The following MECOM variants were observed in gnomAD, a reference collection of about 807,000 sequenced individuals.
MECOM encodes histone-lysine N-methyltransferase MECOM.
A neutral mutation model predicts 116.3 loss-of-function variants in MECOM; 13 were observed. That is an observed-to-expected ratio of 0.11 (90% CI 0.07 to 0.18). The LOEUF is 0.18. Ranked by LOEUF, MECOM falls within the 10% of genes least tolerant of loss-of-function variation. MECOM has a pLI of 1.00. For missense variants in MECOM, 1,299 were observed against 1,509.0 expected (o/e 0.86, Z 2.31); for synonymous variants, 528 against 535.2 (o/e 0.99, Z 0.19).
At chr3:169,501,924 G>C (rs1346787352) in intron 1 of MECOM, among the ~76,000 whole-genome samples, 1 of 152,022 alleles carries the variant, frequency 6.6e-6, no homozygotes, top group Non-Finnish European at 1.5e-5. Flanking sequence ...CTGGTTCAAG[G>C]TCTGTATCAA....
chr3:169,330,002 T>G (rs1225553239), intron 2 of MECOM, among the ~76,000 whole-genome samples: 1 of 152,148 alleles, frequency 6.6e-6, no homozygotes, highest in African/African-American at 2.4e-5. Flanking sequence ...TCAAGAAGAC[T>G]TTCTTAAAAA....
At chr3:169,279,984 GA>G (rs1219060553) in intron 2 of MECOM, among the ~76,000 whole-genome samples, 4 of 152,120 alleles carry the variant, frequency 2.6e-5, no homozygotes, top group African/African-American at 9.7e-5. Flanking sequence ...TTCTTTCATG[GA>G]GATCTCAGAA....
intron 1 of MECOM, among the ~76,000 whole-genome samples, chr3:169,491,208 A>C (rs1753052780): frequency 6.6e-6 from 1 of 152,170 alleles, no homozygotes; most frequent in African/African-American, 2.4e-5. Context: ...TATAACATGA[A>C]AAAGGAGAAT....
intron 2 of MECOM, among the ~76,000 whole-genome samples, chr3:169,318,257 C>T (rs1261701138): frequency 2.0e-5 from 3 of 151,992 alleles, no homozygotes; most frequent in South Asian, 2.1e-4. Context: ...CCACAAAAGC[C>T]GAAATACATA....
chr3:169,579,476 C>T (rs1377601852), intron 1 of MECOM, among the ~76,000 whole-genome samples: 13 of 152,086 alleles, frequency 8.5e-5, no homozygotes, highest in African/African-American at 1.2e-4. Flanking sequence ...AAAACTTGAG[C>T]GCTATCTCTC....
At chr3:169,268,937 C>A (rs930785583) in intron 2 of MECOM, among the ~76,000 whole-genome samples, 2 of 152,130 alleles carry the variant, frequency 1.3e-5, no homozygotes, top group Non-Finnish European at 2.9e-5. Flanking sequence ...TTTCTAATTA[C>A]TAAGCGGATT....
chr3:169,213,179 G>T (rs1750998004), intron 2 of MECOM, among the ~76,000 whole-genome samples: 1 of 151,796 alleles, frequency 6.6e-6, no homozygotes, highest in African/African-American at 2.4e-5. Context: ...GGCAAAAATA[G>T]TTATCTCTCT....
At chr3:169,309,803 G>A (rs984068887) in intron 2 of MECOM, among the ~76,000 whole-genome samples, 8 of 152,266 alleles carry the variant, frequency 5.3e-5, no homozygotes, top group Admixed American at 2.0e-4. Context: ...ACAGCACTAA[G>A]GCAAACTCAT....
At chr3:169,216,840 T>C (rs1392001560) in intron 2 of MECOM, among the ~76,000 whole-genome samples, 1 of 152,088 alleles carries the variant, frequency 6.6e-6, no homozygotes, top group Non-Finnish European at 1.5e-5. Context: ...TGACAGTGTT[T>C]ATCTGTAAAA....
chr3:169,365,426 G>A lies in MECOM; in HGVS notation c.375+15761C>T, dbSNP rs372424719. Among the ~76,000 whole-genome samples, 41 of 152,104 alleles carry A rather than the reference G, an allele frequency of 2.7e-4. No individual in the cohort carries two copies. In the East Asian group the frequency reaches 5.0e-3, roughly 19 times the overall value. On this transcript the variant is annotated intron_variant, in intron 2 of 16. Transcript: ENST00000651503. ...CTGTGTTGTAAAAGTTAAGATGCAG[G>A]TACAGAGACTAGTCTACTGACTATC...
At chr3:169,589,652 C>A (rs1766173630) in intron 1 of MECOM, among the ~76,000 whole-genome samples, 1 of 152,194 alleles carries the variant, frequency 6.6e-6, no homozygotes, top group Non-Finnish European at 1.5e-5. Context: ...CCAACCCCCA[C>A]TGATTTATTG....
intron 2 of MECOM, among the ~76,000 whole-genome samples, chr3:169,283,221 G>C (rs999263426): frequency 2.6e-5 from 4 of 152,110 alleles, no homozygotes; most frequent in Admixed American, 2.6e-4. Flanking sequence ...CAAAAAAAGA[G>C]GTCAGGCATG....
intron 2 of MECOM, among the ~76,000 whole-genome samples, chr3:169,266,996 T>C (rs771339715): frequency 1.3e-5 from 2 of 152,228 alleles, no homozygotes; most frequent in African/African-American, 2.4e-5. Flanking sequence ...GTAGTTATCA[T>C]TGGGTGGAGA....
intron 2 of MECOM, among the ~76,000 whole-genome samples, chr3:169,335,834 GTA>G (rs1332504271): frequency 6.6e-6 from 1 of 151,980 alleles, no homozygotes; most frequent in Non-Finnish European, 1.5e-5. Flanking sequence ...TTTAATATAT[GTA>G]TATAATGAAT....
chr3:169,601,603 G>C (rs1767839992), intron 1 of MECOM, among the ~76,000 whole-genome samples: 1 of 152,160 alleles, frequency 6.6e-6, no homozygotes, highest in Non-Finnish European at 1.5e-5. Flanking sequence ...GCTGAGTTCA[G>C]CTGCTGAGGA....
At chr3:169,109,096 T>G (rs3863096) in intron 9 of MECOM, among the ~76,000 whole-genome samples, 37,784 of 152,094 alleles carry the variant, frequency 0.25, 4,894 homozygotes, top group Non-Finnish European at 0.28. Context: ...ATGCAAAGGA[T>G]CCAAAATAGG....
intron 3 of MECOM, among the ~76,000 whole-genome samples, chr3:169,140,385 C>A (rs1260187942): frequency 6.6e-6 from 1 of 152,012 alleles, no homozygotes; most frequent in Non-Finnish European, 1.5e-5. Context: ...TATTTTATGA[C>A]TTGAGTGTGA....
At chr3:169,085,981 A>T (rs1717590786) in intron 16 of MECOM, among the ~76,000 whole-genome samples, 1 of 152,192 alleles carries the variant, frequency 6.6e-6, no homozygotes, top group Non-Finnish European at 1.5e-5. Context: ...GTCCTGCCAA[A>T]GACATTCCAC....
At chr3:169,606,144 G>A (rs897711678) in intron 1 of MECOM, among the ~76,000 whole-genome samples, 4 of 152,342 alleles carry the variant, frequency 2.6e-5, no homozygotes, top group Admixed American at 1.3e-4. Flanking sequence ...AGGTGCGGTG[G>A]CTCACGCCTG....
Sources: gnomAD v4.1 joint callset for allele counts (sites outside exome capture counted in the v4.1 genomes callset) on GRCh38, gnomAD v4.1.1 for gene constraint, MANE v1.5 for transcripts, NCBI Gene and HGNC (gene_info 2026-07-23, HGNC 2026-07-21) for gene names.